The following AOPEP variants were observed in gnomAD, a reference collection of about 807,000 sequenced individuals.
AOPEP encodes aminopeptidase O (putative).
Under a neutral mutation model 98.1 loss-of-function variants are expected in AOPEP, and 77 were observed. The observed-to-expected ratio is 0.78, with a 90% CI of 0.65 to 0.95. AOPEP has a LOEUF of 0.95. Ranked by LOEUF, AOPEP falls within the 40% of genes least tolerant of loss-of-function variation. The pLI, the probability that AOPEP is intolerant of heterozygous loss-of-function variation, is 0.00. For synonymous variants in AOPEP, 346 were observed against 365.3 expected (o/e 0.95, Z 0.60); for missense variants, 1,024 against 1,024.7 (o/e 1.00, Z 0.01).
At chr9:94,995,582 TATC>T (rs2061169629) in intron 11 of AOPEP, among the ~76,000 whole-genome samples, 1 of 152,218 alleles carries the variant, frequency 6.6e-6, no homozygotes, top group Non-Finnish European at 1.5e-5. Flanking sequence ...GGTTGTCCCT[TATC>T]ATGATTTCCA....
chr9:94,851,220 G>A (rs1232204513), intron 5 of AOPEP, among the ~76,000 whole-genome samples: 4 of 152,190 alleles, frequency 2.6e-5, no homozygotes, highest in Non-Finnish European at 5.9e-5. Context: ...CGTCCTTGCA[G>A]GCGTGCCTTG....
In AOPEP at chr9:94,972,293, A is replaced by G. The variant is rs28495509; in HGVS notation, c.1916+4492A>G. Among the ~76,000 whole-genome samples the G allele has an allele frequency of 0.14, 21,264 of 152,086 alleles. 3,902 individuals carry two copies. The highest frequency in any genetic ancestry group is 0.42 in the African/African-American group (17,605 of 41,444). On this transcript the variant is annotated intron_variant, in intron 10 of 16. Coordinates refer to ENST00000375315, the MANE Select transcript of AOPEP (RefSeq NM_001193329.3). The surrounding 1 kb of genome is among the most constrained non-coding windows in gnomAD (Gnocchi z 4.2). ...GGAGGGCAGGTGTTTGGGGAGTCTG[A>G]ATGGGGCAGAGGGAGTGAAAGGGAC...
At chr9:94,961,013 C>CAAAAAAA (rs71496990) in intron 9 of AOPEP, among the ~76,000 whole-genome samples, 9 of 118,706 alleles carry the variant, frequency 7.6e-5, no homozygotes, top group African/African-American at 2.8e-4. Flanking sequence ...GAATCTGTCT[C>CAAAAAAA]AAAAAAAAAA....
At chr9:95,100,135 T>G in the AOPEP span, 1 of 232,752 alleles carries the variant, frequency 4.3e-6, no homozygotes, top group Non-Finnish European at 8.5e-6. Context: ...CAGCTCCTTT[T>G]TCAACCCCAA....
intron 16 of AOPEP, 175 bp downstream of exon 16, chr9:95,082,894 GCCCCGGGTC>G: frequency 4.5e-6 from 3 of 667,892 alleles, no homozygotes; most frequent in African/African-American, 3.7e-5. Context: ...TGGTATGGGA[GCCCCGGGTC>G]CCTGGAGCAC....
At chr9:95,065,880 C>T (rs987013623) in intron 14 of AOPEP, among the ~76,000 whole-genome samples, 62 of 152,160 alleles carry the variant, frequency 4.1e-4, no homozygotes, top group African/African-American at 1.3e-3. Context: ...GGCCAGATAC[C>T]GATGAGTCTG....
chr9:94,907,623 C>G (rs1250673944), intron 5 of AOPEP, among the ~76,000 whole-genome samples: 1 of 152,150 alleles, frequency 6.6e-6, no homozygotes, highest in East Asian at 1.9e-4. Context: ...CCAGTCTTCC[C>G]CAGAGCCTCT....
chr9:94,936,375 C>T (rs1369056486), intron 7 of AOPEP, among the ~76,000 whole-genome samples: 4 of 152,184 alleles, frequency 2.6e-5, no homozygotes, highest in South Asian at 2.1e-4. Flanking sequence ...GTAGTCAGCT[C>T]GGGCTGCCAT....
chr9:94,749,150 A>G (rs941471683), intron 1 of AOPEP, among the ~76,000 whole-genome samples: 2 of 152,254 alleles, frequency 1.3e-5, no homozygotes, highest in African/African-American at 4.8e-5. Flanking sequence ...ATTTAAACAA[A>G]TGATTACTTA....
chr9:94,750,446 G>A (rs147717025), intron 1 of AOPEP, among the ~76,000 whole-genome samples: 5,758 of 151,978 alleles, frequency 0.038, 342 homozygotes, highest in African/African-American at 0.13. Context: ...TTAGCCGGGC[G>A]TGGTGGCGGG....
intron 5 of AOPEP, among the ~76,000 whole-genome samples, chr9:94,870,445 C>T (rs1222931305): frequency 6.6e-6 from 1 of 152,198 alleles, no homozygotes; most frequent in South Asian, 2.1e-4. Context: ...AAATCCCATT[C>T]AGTCCTCACA....
At chr9:95,030,101 T>G (rs143232163) in intron 13 of AOPEP, among the ~76,000 whole-genome samples, 9 of 152,200 alleles carry the variant, frequency 5.9e-5, no homozygotes, top group Admixed American at 5.9e-4. Context: ...GAAATTTAAC[T>G]TTTTTTCCCC....
At chr9:94,837,630 A>C (rs1040405922) in intron 5 of AOPEP, among the ~76,000 whole-genome samples, 2 of 152,240 alleles carry the variant, frequency 1.3e-5, no homozygotes, top group Non-Finnish European at 2.9e-5. Flanking sequence ...AATGTGATAC[A>C]CTATATAAAC....
At chr9:95,117,331 C>T in the AOPEP span, 4 of 1,614,058 alleles carry the variant, frequency 2.5e-6, no homozygotes, top group Non-Finnish European at 3.4e-6. Context: ...GGTCTTGCAG[C>T]AGCACCATGG....
chr9:95,135,266 C>G, the AOPEP span: 15 of 1,343,324 alleles, frequency 1.1e-5, no homozygotes, highest in Middle Eastern at 2.4e-4. Flanking sequence ...TACATCCCCC[C>G]CTTTCATTCT....
intron 2 of AOPEP, among the ~76,000 whole-genome samples, chr9:94,764,654 A>G (rs1379037549): frequency 6.6e-6 from 1 of 152,188 alleles, no homozygotes; most frequent in Non-Finnish European, 1.5e-5. Flanking sequence ...TCTCAAAAAT[A>G]AAATAAAATA....
At chr9:94,932,311 G>T in intron 7 of AOPEP, 1 of 980,748 alleles carries the variant, frequency 1.0e-6, no homozygotes, top group Non-Finnish European at 1.2e-6. Context: ...CATTCTCTTG[G>T]TTATAGATAC....
intron 3 of AOPEP, among the ~76,000 whole-genome samples, chr9:94,789,424 A>C (rs763110715): frequency 3.3e-5 from 5 of 152,232 alleles, no homozygotes; most frequent in Non-Finnish European, 7.3e-5. Context: ...GACAGACCAC[A>C]GCCCTTTGAT....
At chr9:95,110,588 T>C in the AOPEP span, 300 of 1,036,174 alleles carry the variant, frequency 2.9e-4, no homozygotes, top group Middle Eastern at 1.8e-3. Flanking sequence ...TCTAAAACTA[T>C]TTTTCTTTCC....
Sources: gnomAD v4.1 joint callset for allele counts (sites outside exome capture counted in the v4.1 genomes callset) on GRCh38, gnomAD v4.1.1 for gene constraint, Gnocchi (gnomAD v3.1) non-coding constraint, MANE v1.5 for transcripts, NCBI Gene and HGNC (gene_info 2026-07-23, HGNC 2026-07-21) for gene names.